PP2D1: variants seen among roughly 807,000 people sequenced by gnomAD.
PP2D1 encodes the protein protein phosphatase 2C-like domain-containing protein 1.
PP2D1 carries 25 observed loss-of-function variants against 30.2 expected under a neutral mutation model. The observed-to-expected ratio is 0.83, with a 90% confidence interval of 0.60 to 1.16. The LOEUF (loss-of-function observed/expected upper bound fraction) is 1.16, where lower values mean the gene tolerates loss of function less well. Among genes scored for constraint, PP2D1 ranks in the 50% most tolerant of loss-of-function variants. The pLI, the probability that PP2D1 is intolerant of heterozygous loss-of-function variation, is 0.00. For missense variants in PP2D1, 760 were observed against 742.4 expected (o/e 1.02, Z -0.28); for synonymous variants, 260 against 258.9 (o/e 1.00, Z -0.04).
At chr3:20,009,861 T>G (rs1305627825) in intron 1 of PP2D1, among the ~76,000 whole-genome samples, 2 of 152,242 alleles carry the variant, frequency 1.3e-5, no homozygotes, top group Non-Finnish European at 2.9e-5. Flanking sequence ...TACTTATCCC[T>G]GTAGTAAAAT....
downstream of PP2D1, chr3:19,983,924 A>T (rs1471589183): frequency 1.9e-5 from 15 of 794,160 alleles, no homozygotes; most frequent in Non-Finnish European, 3.1e-5. Context: ...CCAAAAGAAG[A>T]GACTTATGAT....
At position 20,001,664 on chromosome 3, in the gene PP2D1, G is replaced by A. The variant is rs776967661; in HGVS notation, c.456C>T (p.Asn152=). 3.3e-6 allele frequency: 5 copies of A among 1,535,912 alleles called. No individual in the cohort carries two copies. Among genetic ancestry groups the A allele is most frequent in the Middle Eastern group, 1.7e-4 (1 of 5,990 alleles). The change falls in exon 2 of 3, where the codon AAC becomes AAT. Residue 152 remains asparagine (N), a synonymous_variant. Transcript: ENST00000389050. ...GAGAATATATGACACTCCTGTCAAT[G>A]TTATCAAAAATCTTATAGTATGCTG... is the stretch of plus-strand genomic sequence containing the variant. ...QIPAYYKIFD[N]IDRSVIYSQK...
intron 1 of PP2D1, 44 bp from the exon 2 acceptor site, chr3:20,002,140 C>T (rs1158888551): frequency 6.2e-6 from 8 of 1,282,006 alleles, no homozygotes; most frequent in Admixed American, 2.3e-5. Flanking sequence ...GATGATGCAG[C>T]GAAAATCTCT....
At chr3:19,986,934 G>A (rs954258354) in intron 2 of PP2D1, among the ~76,000 whole-genome samples, 2 of 151,926 alleles carry the variant, frequency 1.3e-5, no homozygotes, top group Non-Finnish European at 2.9e-5. Flanking sequence ...CTACTTGGGA[G>A]GCTGAGGCAG....
intron 1 of PP2D1, among the ~76,000 whole-genome samples, chr3:20,005,348 C>A (rs552505165): frequency 6.6e-6 from 1 of 152,056 alleles, no homozygotes; most frequent in South Asian, 2.1e-4. Context: ...GACAGTGTTT[C>A]TCCATGTTGG....
rs114155983 is a variant in PP2D1, at chr3:19,985,499, C to T, written c.1774G>A (p.Gly592Ser). 358 of 1,536,074 alleles carry T rather than the reference C, an allele frequency of 2.3e-4. 1 individual carries two copies. The African/African-American group carries it at 4.6e-3, about 20-fold the overall frequency. ...TCATGGCTAACATACTCAGCTGCGC[C>T]TTCATAGAAACTCTTAGTGTCTGAT... ...KESDTKSFYE[G>S]AAEYVSHELV... Residue 592 changes from glycine to serine, a missense_variant, in exon 3 of 3, where the codon GGC (glycine) becomes AGC (serine). Transcript: ENST00000389050.
Position 19,985,531 on chromosome 3 carries a change from T to A in PP2D1, c.1742A>T (p.Glu581Val). The A allele has an allele frequency of 1.3e-6, 2 of 1,536,136 alleles. No homozygotes were observed. Among genetic ancestry groups the A allele is most frequent in the Non-Finnish European group, 1.7e-6 (2 of 1,146,878 alleles). Residue 581 changes from glutamate to valine, a missense_variant, in exon 3 of 3, where the codon GAA becomes GTA. Physicochemically the swap from Glu to Val is moderately radical, Grantham distance 121. Around this residue, in one of 3 missense-constraint regions of PP2D1, gnomAD observed 369 missense variants for 316.2 expected, o/e 1.17. Transcript: ENST00000389050. ...GAAACTCTTAGTGTCTGATTCTTTTTCATTTGTTGCCACATCATTTACACT... is the reference window on the plus strand; with the variant it reads ...GAAACTCTTAGTGTCTGATTCTTTTACATTTGTTGCCACATCATTTACACT... ...PTSVNDVATN[E>V]KESDTKSFYE...
intron 2 of PP2D1, among the ~76,000 whole-genome samples, chr3:19,995,481 A>G (rs1380097738): frequency 6.6e-6 from 1 of 152,210 alleles, no homozygotes; most frequent in Non-Finnish European, 1.5e-5. Context: ...TGGCCCTGTG[A>G]ACACCTTGAC....
chr3:19,985,274 A>G (rs781342961), downstream of PP2D1: 6 of 770,386 alleles, frequency 7.8e-6, no homozygotes, highest in Admixed American at 1.2e-4. Context: ...TTTCTTTACT[A>G]TGTTCATAAA....
intron 1 of PP2D1, among the ~76,000 whole-genome samples, chr3:20,002,358 T>A (rs1390121950): frequency 2.0e-5 from 3 of 152,204 alleles, no homozygotes; most frequent in Non-Finnish European, 2.9e-5. Flanking sequence ...ATCAGCACAG[T>A]ATTTTACCTT....
chr3:19,996,450 C>T (rs1697181144), intron 2 of PP2D1, among the ~76,000 whole-genome samples: 1 of 151,980 alleles, frequency 6.6e-6, no homozygotes, highest in African/African-American at 2.4e-5. Flanking sequence ...ATAAAAAGTC[C>T]CCCAAATGAA....
Position 20,001,341 on chromosome 3 carries a change from G to C in PP2D1, c.779C>G (p.Ala260Gly), listed in dbSNP as rs182437145. 1.1e-3 allele frequency: 1,657 copies of C among 1,535,504 alleles called. 2 individuals are homozygous for C. The highest frequency in any genetic ancestry group is 1.4e-3 in the Non-Finnish European group (1,557 of 1,146,322). ...GGCAGAAAAGAGGTCTTCTATTGCT[G>C]CGTATTCTTCTCTAAACACAGTGTA... ...SFYTVFREEY[A>G]AIEDLFSAIN... is the part of the protein sequence containing the mutation. The change falls in exon 2 of 3, where the codon GCA (alanine) becomes GGA (glycine). Residue 260 changes from alanine to glycine, a missense_variant. This residue lies in a region of PP2D1 where 374 missense variants were observed against 388.8 expected (regional missense o/e 0.96). Coordinates refer to ENST00000389050, the MANE Select transcript of PP2D1 (RefSeq NM_001252657.2).
downstream of PP2D1, chr3:19,985,276 G>T: frequency 1.3e-6 from 1 of 785,544 alleles, no homozygotes; most frequent in Non-Finnish European, 2.0e-6. Flanking sequence ...TCTTTACTAT[G>T]TTCATAAAAT....
At chr3:19,983,588 A>T, downstream of PP2D1, 1 of 699,110 alleles carries the variant, frequency 1.4e-6, no homozygotes, top group South Asian at 1.7e-5. Context: ...AAGAATGAAC[A>T]TATGGTTATA....
At chr3:19,983,616 C>T, downstream of PP2D1, 3 of 875,626 alleles carry the variant, frequency 3.4e-6, no homozygotes, top group South Asian at 1.5e-5. Flanking sequence ...TTGGGGGTAA[C>T]CTAACTGGAA....
chr3:20,009,146 A>G (rs1309343693), intron 1 of PP2D1, among the ~76,000 whole-genome samples: 1 of 152,154 alleles, frequency 6.6e-6, no homozygotes, highest in African/African-American at 2.4e-5. Context: ...ACTTAGTTAC[A>G]GCTATGTTAC....
chr3:19,983,726 A>G (rs758749672), downstream of PP2D1: 2 of 1,610,576 alleles, frequency 1.2e-6, no homozygotes, highest in African/African-American at 1.3e-5. Flanking sequence ...TTGCCAAAGA[A>G]TGAACCACAA....
At chr3:19,985,215 A>G, downstream of PP2D1, 1 of 567,228 alleles carries the variant, frequency 1.8e-6, no homozygotes, top group Non-Finnish European at 3.0e-6. Flanking sequence ...GGCATAAAAC[A>G]GTGAATATAT....
chr3:20,006,990 T>TAC (rs199720604), intron 1 of PP2D1, among the ~76,000 whole-genome samples: 31,637 of 142,928 alleles, frequency 0.22, 3,635 homozygotes, highest in South Asian at 0.34. Flanking sequence ...TATATATGTA[T>TAC]ACACACACAC....
Sources: gnomAD v4.1 joint callset for allele counts (sites outside exome capture counted in the v4.1 genomes callset) on GRCh38, gnomAD v4.1.1 for gene constraint, gnomAD v4.1.1 regional missense constraint, MANE v1.5 for transcripts, NCBI Gene and HGNC (gene_info 2026-07-23, HGNC 2026-07-21) for gene names.